KALRN: variants seen among roughly 807,000 people sequenced by gnomAD.
The protein encoded by KALRN is kalirin.
A neutral mutation model predicts 353.7 loss-of-function variants in KALRN; 70 were observed. The ratio of observed to expected loss-of-function variants is 0.20; its 90% confidence interval spans 0.16 to 0.24. KALRN has a LOEUF of 0.24. Ranked by LOEUF, KALRN falls within the 10% of genes least tolerant of loss-of-function variation. The pLI is 1.00. For synonymous variants in KALRN, 1,391 were observed against 1,434.8 expected (o/e 0.97, Z 0.69); for missense variants, 2,791 against 3,756.7 (o/e 0.74, Z 6.72).
chr3:124,131,646 G>A (rs147111247), intron 1 of KALRN, among the ~76,000 whole-genome samples: 1 of 152,314 alleles, frequency 6.6e-6, no homozygotes, highest in African/African-American at 2.4e-5. Flanking sequence ...CTCAGTGGCA[G>A]CTGTGACATC....
At chr3:124,135,580 CTG>C (rs958323170) in intron 1 of KALRN, among the ~76,000 whole-genome samples, 2 of 152,080 alleles carry the variant, frequency 1.3e-5, no homozygotes, top group African/African-American at 4.8e-5. Context: ...TGTTAGAGGT[CTG>C]GGGTCTGCAC....
intron 1 of KALRN, among the ~76,000 whole-genome samples, chr3:124,170,506 G>A (rs972466587): frequency 3.3e-5 from 5 of 152,126 alleles, no homozygotes; most frequent in African/African-American, 1.2e-4. Flanking sequence ...AGATCATTTA[G>A]AGCCCCTAAA....
intron 55 of KALRN, among the ~76,000 whole-genome samples, chr3:124,699,604 T>C (rs1193153943): frequency 6.6e-6 from 1 of 152,240 alleles, no homozygotes; most frequent in African/African-American, 2.4e-5. Context: ...ATTATCTATG[T>C]CTTTTTACTC....
chr3:124,492,943 G>T (rs1015279373), intron 32 of KALRN, 61 bp downstream of exon 32: 1 of 1,580,520 alleles, frequency 6.3e-7, no homozygotes, highest in Non-Finnish European at 8.6e-7. Flanking sequence ...GCGGGAATGG[G>T]ATGAATCTTT....
At chr3:124,330,759 G>A (rs954095321) in intron 8 of KALRN, among the ~76,000 whole-genome samples, 1 of 152,224 alleles carries the variant, frequency 6.6e-6, no homozygotes, top group Non-Finnish European at 1.5e-5. Context: ...GAAGCTGGAT[G>A]AGGAGAAGAA....
At chr3:124,622,812 T>C (rs1458053500) in intron 34 of KALRN, among the ~76,000 whole-genome samples, 1 of 152,240 alleles carries the variant, frequency 6.6e-6, no homozygotes, top group African/African-American at 2.4e-5. Context: ...GTCCTGTGGA[T>C]GCAACAATAA....
intron 36 of KALRN, among the ~76,000 whole-genome samples, chr3:124,634,594 G>A (rs1358025476): frequency 6.6e-6 from 1 of 152,204 alleles, no homozygotes; most frequent in East Asian, 1.9e-4. Flanking sequence ...TTCTGGAGCA[G>A]AAGCGTAGGT....
At chr3:124,377,313 A>G (rs1299562280) in intron 10 of KALRN, among the ~76,000 whole-genome samples, 1 of 152,178 alleles carries the variant, frequency 6.6e-6, no homozygotes, top group Non-Finnish European at 1.5e-5. Flanking sequence ...CCTATGGGTT[A>G]TTTAGATATG....
intron 11 of KALRN, among the ~76,000 whole-genome samples, chr3:124,388,660 T>G (rs2088826054): frequency 6.6e-6 from 1 of 152,172 alleles, no homozygotes; most frequent in African/African-American, 2.4e-5. Context: ...TTCTTTGACT[T>G]GAGCTCTCCA....
intron 51 of KALRN, among the ~76,000 whole-genome samples, chr3:124,681,558 C>T (rs895322677): frequency 6.6e-6 from 1 of 151,498 alleles, no homozygotes; most frequent in Non-Finnish European, 1.5e-5. Flanking sequence ...TTGGAAGCAG[C>T]AATATCCCCA....
intron 6 of KALRN, among the ~76,000 whole-genome samples, chr3:124,325,302 A>T (rs1405362112): frequency 6.6e-6 from 1 of 152,114 alleles, no homozygotes; most frequent in East Asian, 1.9e-4. Flanking sequence ...AATCTTCCTA[A>T]ATCAAGCAGA....
At chr3:124,249,069 G>A (rs781606087) in intron 3 of KALRN, among the ~76,000 whole-genome samples, 4 of 152,238 alleles carry the variant, frequency 2.6e-5, no homozygotes, top group African/African-American at 4.8e-5. Flanking sequence ...TTGCAGCTCT[G>A]ACTATGAAGG....
chr3:124,563,439 T>C (rs576021711), intron 34 of KALRN, among the ~76,000 whole-genome samples: 136 of 152,290 alleles, frequency 8.9e-4, no homozygotes, highest in Non-Finnish European at 1.6e-3. Flanking sequence ...TTTAGACTCA[T>C]CCTTTCTCCA....
intron 1 of KALRN, among the ~76,000 whole-genome samples, chr3:124,204,590 T>C (rs2076242656): frequency 4.3e-5 from 2 of 46,722 alleles, no homozygotes; most frequent in Admixed American, 3.2e-4. Flanking sequence ...AAATGTTGTG[T>C]AGATCAAAGA....
At chr3:124,602,518 ATGAGTT>A (rs980580931) in intron 34 of KALRN, among the ~76,000 whole-genome samples, 4 of 152,162 alleles carry the variant, frequency 2.6e-5, no homozygotes, top group African/African-American at 4.8e-5. Flanking sequence ...AGAAACTATG[ATGAGTT>A]TAAGAACTGA....
At position 124,657,717 on chromosome 3, in the gene KALRN, C is replaced by A; in HGVS notation, c.5967-17C>A. 1 of 1,595,274 alleles carries A rather than the reference C, an allele frequency of 6.3e-7. No individual in the cohort carries two copies. The highest frequency in any genetic ancestry group is 1.1e-5 in the South Asian group (1 of 90,612). The stretch of plus-strand genomic sequence containing the variant: ...GAATAATGTGGCTTCCTTCTCTTAT[C>A]CCCTTTCTCCTTTTAGTTTTTTCCT... On this transcript the variant is annotated splice_polypyrimidine_tract_variant and intron_variant, in intron 40 of 59. Transcript: ENST00000682506.
chr3:124,443,075 T>C (rs1269201892), intron 19 of KALRN, among the ~76,000 whole-genome samples: 2 of 152,226 alleles, frequency 1.3e-5, no homozygotes, highest in African/African-American at 4.8e-5. Flanking sequence ...AGGTAATTTG[T>C]GTGTTCATAA....
chr3:124,700,555 A>G (rs977238145), intron 56 of KALRN, among the ~76,000 whole-genome samples: 8 of 152,212 alleles, frequency 5.3e-5, no homozygotes, highest in African/African-American at 1.7e-4. Context: ...AGTAACTAAG[A>G]TACACATATA....
chr3:124,509,943 C>T (rs1415546148), intron 33 of KALRN, among the ~76,000 whole-genome samples: 1 of 152,170 alleles, frequency 6.6e-6, no homozygotes, highest in Admixed American at 6.5e-5. Flanking sequence ...TGTATTGCCA[C>T]AAAGGCTAAA....
Sources: allele counts gnomAD v4.1 joint callset (sites outside exome capture counted in the v4.1 genomes callset), GRCh38; gene constraint gnomAD v4.1.1; transcripts MANE v1.5; gene names NCBI Gene and HGNC (gene_info 2026-07-23, HGNC 2026-07-21).